NMT2: variants seen among roughly 807,000 people sequenced by gnomAD.
The protein encoded by NMT2 is N-myristoyltransferase 2, also known as glycylpeptide N-tetradecanoyltransferase 2.
Under a neutral mutation model 65.4 loss-of-function variants are expected in NMT2, and 35 were observed. The ratio of observed to expected loss-of-function variants is 0.54; its 90% confidence interval spans 0.41 to 0.71. The LOEUF (loss-of-function observed/expected upper bound fraction) is 0.71, where lower values mean the gene tolerates loss of function less well. Among genes scored for constraint, NMT2 ranks in the 30% least tolerant of loss-of-function variants. The probability of loss-of-function intolerance (pLI) is 0.00; values close to 1 mark genes in which losing one functional copy is unlikely to be tolerated. For synonymous variants in NMT2, 226 were observed against 231.8 expected, an observed-to-expected ratio of 0.98 and a Z score of 0.23; for missense variants, 489 against 611.3, an observed-to-expected ratio of 0.80 and a Z score of 2.11.
intron 1 of NMT2, among the ~76,000 whole-genome samples, chr10:15,145,473 G>A (rs1846930545): frequency 6.6e-6 from 1 of 152,192 alleles, no homozygotes; most frequent in South Asian, 2.1e-4. Flanking sequence ...TCTGCCTCCT[G>A]TGTTCAAGTG....
chr10:15,116,622 C>CA (rs1237635236), intron 9 of NMT2, among the ~76,000 whole-genome samples: 1 of 152,026 alleles, frequency 6.6e-6, no homozygotes, highest in Non-Finnish European at 1.5e-5. Flanking sequence ...GAATATCCAA[C>CA]AAAAGTCTGG....
chr10:15,155,311 G>A, intron 1 of NMT2: 2 of 1,255,352 alleles, frequency 1.6e-6, no homozygotes, highest in Non-Finnish European at 2.3e-6. Context: ...AACATGGTGG[G>A]GTTGACCATG....
chr10:15,168,422 G>GA, intron 1 of NMT2, 81 bp downstream of exon 1: 1 of 1,054,294 alleles, frequency 9.5e-7, no homozygotes, highest in Non-Finnish European at 1.4e-6. Context: ...CCCCAGTCCT[G>GA]GGAGCCACCC....
chr10:15,111,203 G>A (rs187478187), intron 10 of NMT2, among the ~76,000 whole-genome samples: 2 of 151,968 alleles, frequency 1.3e-5, no homozygotes, highest in East Asian at 3.9e-4. Flanking sequence ...AGGGACCAAA[G>A]TTGTAAAGAC....
intron 9 of NMT2, among the ~76,000 whole-genome samples, chr10:15,116,441 A>T (rs374635159): frequency 2.5e-4 from 38 of 152,312 alleles, no homozygotes; most frequent in African/African-American, 9.1e-4. Context: ...GCAGAGAGGG[A>T]AACTGATAGA....
intron 8 of NMT2, among the ~76,000 whole-genome samples, chr10:15,125,916 T>G (rs183477174): frequency 2.0e-5 from 3 of 151,972 alleles, no homozygotes; most frequent in African/African-American, 7.2e-5. Flanking sequence ...CTGCCCGCCT[T>G]GGCCTCCCAA....
intron 11 of NMT2, 41 bp from the exon 12 acceptor site, chr10:15,109,256 T>C (rs1352512191): frequency 1.9e-6 from 3 of 1,603,082 alleles, no homozygotes; most frequent in Admixed American, 3.5e-5. Flanking sequence ...AAAAATTAGA[T>C]TGCAATGTAG....
chr10:15,159,308 G>C (rs893594078), intron 1 of NMT2, among the ~76,000 whole-genome samples: 1 of 152,086 alleles, frequency 6.6e-6, no homozygotes. Flanking sequence ...TTGGGTACTT[G>C]ACTTTCTATA....
At chr10:15,162,781 G>T (rs1011181677) in intron 1 of NMT2, among the ~76,000 whole-genome samples, 6 of 146,832 alleles carry the variant, frequency 4.1e-5, no homozygotes, top group African/African-American at 7.5e-5. Context: ...ATATATATTT[G>T]ATTTATATAT....
In NMT2 at chr10:15,167,968, C is replaced by A. The variant is rs531206107; in HGVS notation, c.110+535G>T. Among the ~76,000 whole-genome samples the A allele has an allele frequency of 5.9e-5, 9 of 152,304 alleles. No homozygotes were observed. In the South Asian group the frequency reaches 1.0e-3, roughly 18 times the overall value. On this transcript the variant is annotated intron_variant, in intron 1 of 11. Coordinates refer to ENST00000378165, the MANE Select transcript of NMT2 (RefSeq NM_004808.3). ...CGGCGCCAGAACTTTGCGCAGTTCGCCGCCTGCGGCCCCGACACCATCGGG... is the reference window on the plus strand; with the variant it reads ...CGGCGCCAGAACTTTGCGCAGTTCGACGCCTGCGGCCCCGACACCATCGGG...
At chr10:15,162,656 A>AAT (rs952937022) in intron 1 of NMT2, among the ~76,000 whole-genome samples, 2 of 151,904 alleles carry the variant, frequency 1.3e-5, no homozygotes, top group African/African-American at 4.8e-5. Flanking sequence ...CACACATATT[A>AAT]AAAAGTGAGT....
intron 10 of NMT2, among the ~76,000 whole-genome samples, chr10:15,110,722 T>C (rs1283292229): frequency 6.6e-6 from 1 of 152,222 alleles, no homozygotes; most frequent in East Asian, 1.9e-4. Context: ...AAATGTAGTA[T>C]GATGGCTGTC....
chr10:15,143,864 TACA>T (rs1229003262), intron 1 of NMT2, among the ~76,000 whole-genome samples: 2 of 151,978 alleles, frequency 1.3e-5, no homozygotes, highest in African/African-American at 2.4e-5. Flanking sequence ...CAAAAACAAC[TACA>T]ACAACAACAC....
chr10:15,109,561 A>G, intron 11 of NMT2, 141 bp downstream of exon 11: 2 of 676,628 alleles, frequency 3.0e-6, no homozygotes, highest in Non-Finnish European at 4.3e-6. Context: ...ACAGAGCGAG[A>G]CTTCATCTCA....
In NMT2 at chr10:15,119,458, C is replaced by T. The variant is rs767941530; in HGVS notation, c.1055G>A (p.Arg352Gln). The part of the protein sequence containing the change: ...PMEPKDIKSV[R>Q]ELINTYLKQF... ...CTTCAGGTAAGTGTTGATTAATTCT[C>T]GAACTGATTTGATATCTTTTGGTTC... Residue 352 changes from arginine to glutamine, a missense_variant, in exon 9 of 12, where the codon CGA becomes CAA. Coordinates refer to ENST00000378165, the MANE Select transcript of NMT2 (RefSeq NM_004808.3). 10 of 1,613,980 alleles carry T rather than the reference C, an allele frequency of 6.2e-6. No homozygotes were observed. The highest frequency in any genetic ancestry group is 3.3e-5 in the Admixed American group (2 of 60,006).
chr10:15,114,478 C>G (rs374830237), intron 9 of NMT2, among the ~76,000 whole-genome samples: 1 of 152,098 alleles, frequency 6.6e-6, no homozygotes, highest in Non-Finnish European at 1.5e-5. Flanking sequence ...AAAAAAACCC[C>G]GCTCACAACA....
chr10:15,122,073 A>G (rs1845946885), intron 8 of NMT2, among the ~76,000 whole-genome samples: 1 of 152,206 alleles, frequency 6.6e-6, no homozygotes, highest in South Asian at 2.1e-4. Context: ...TATATATCAT[A>G]GTCATTTAAA....
intron 9 of NMT2, among the ~76,000 whole-genome samples, chr10:15,113,296 C>T (rs111559941): frequency 0.059 from 8,898 of 151,158 alleles, 284 homozygotes; most frequent in East Asian, 0.088. Flanking sequence ...TGGTGAAACC[C>T]CATCTCTACT....
intron 9 of NMT2, among the ~76,000 whole-genome samples, chr10:15,117,487 G>A (rs1056852632): frequency 1.4e-4 from 21 of 152,102 alleles, no homozygotes; most frequent in African/African-American, 4.3e-4. Context: ...TCAAGAACAC[G>A]ACGAGGATGA....
Sources: gnomAD v4.1 joint callset for allele counts (sites outside exome capture counted in the v4.1 genomes callset) on GRCh38, gnomAD v4.1.1 for gene constraint, MANE v1.5 for transcripts, NCBI Gene and HGNC (gene_info 2026-07-23, HGNC 2026-07-21) for gene names.